The following TCF7L1 variants were observed in gnomAD, a reference collection of about 807,000 sequenced individuals.
The protein encoded by TCF7L1 is transcription factor 7 like 1.
A neutral mutation model predicts 63.7 loss-of-function variants in TCF7L1; 18 were observed. The ratio of observed to expected loss-of-function variants is 0.28; its 90% CI spans 0.20 to 0.42. The LOEUF (loss-of-function observed/expected upper bound fraction) is 0.42, where lower values mean the gene tolerates loss of function less well. Ranked by LOEUF, TCF7L1 falls within the 10% of genes least tolerant of loss-of-function variation. TCF7L1 has a pLI of 1.00. For missense variants in TCF7L1, 654 were observed against 779.3 expected, an observed-to-expected ratio of 0.84 and a Z score of 1.91; for synonymous variants, 355 against 340.9, an observed-to-expected ratio of 1.04 and a Z score of -0.46.
At chr2:85,156,784 C>T (rs1420847526) in intron 3 of TCF7L1, among the ~76,000 whole-genome samples, 1 of 152,204 alleles carries the variant, frequency 6.6e-6, no homozygotes, top group African/African-American at 2.4e-5. Context: ...TGTATACGCG[C>T]ATGCATGCAC....
Position 85,134,305 on chromosome 2 carries a change from CCTTGGTCTTGTTCGCAGTGAGAAGG to C in TCF7L1, c.314-16_322del. ...TCCCGGGGGCCTGGGCCTCACCTCG[CCTTGGTCTTGTTCGCAGTGAGAAGG>C]CCTCAGGACAGCGCGTTCTTTAAAG... On this transcript the variant is annotated splice_acceptor_variant and splice_polypyrimidine_tract_variant and coding_sequence_variant and intron_variant, in exon 3 of 12. Transcript: ENST00000282111. LOFTEE classifies it high-confidence loss of function. This position sits in a 1 kb window ranked among gnomAD's most constrained non-coding sequence, Gnocchi z 5.0. The C allele has an allele frequency of 6.4e-7, 1 of 1,574,156 alleles. No individual in the cohort carries two copies. The highest frequency in any genetic ancestry group is 8.6e-7 in the Non-Finnish European group (1 of 1,159,322).
chr2:85,210,084 A>C (rs1389336257), intron 3 of TCF7L1, among the ~76,000 whole-genome samples: 2 of 152,182 alleles, frequency 1.3e-5, no homozygotes, highest in Non-Finnish European at 2.9e-5. Flanking sequence ...TATAGTCTTC[A>C]CAGGTCAGTG....
chr2:85,243,338 A>T (rs539751246), intron 3 of TCF7L1, among the ~76,000 whole-genome samples: 1 of 152,222 alleles, frequency 6.6e-6, no homozygotes, highest in African/African-American at 2.4e-5. Flanking sequence ...GGTGAGGCTG[A>T]GTGGAAGCTT....
chr2:85,261,909 T>C (rs942432778), intron 3 of TCF7L1, among the ~76,000 whole-genome samples: 16 of 152,144 alleles, frequency 1.1e-4, no homozygotes, highest in African/African-American at 3.1e-4. Flanking sequence ...AACAATCCCA[T>C]AGCATTTATT....
Position 85,306,312 on chromosome 2 carries a change from GC to G in TCF7L1, c.1097del (p.Ala366ValfsTer5). The G allele has an allele frequency of 6.2e-7, 1 of 1,614,216 alleles. No individual in the cohort carries two copies. The highest frequency in any genetic ancestry group is 1.1e-5 in the South Asian group (1 of 91,086). On this transcript the variant is annotated frameshift_variant, in exon 9 of 12. Coordinates refer to ENST00000282111, the MANE Select transcript of TCF7L1 (RefSeq NM_031283.3). LOFTEE classifies it high-confidence loss of function. This position sits in a 1 kb window ranked among gnomAD's most constrained non-coding sequence, Gnocchi z 4.3. The part of the protein sequence containing the change: ...YMKEMRAKVV[A>X]ECTLKESAAI... ...GAAGGAGATGAGGGCCAAGGTGGTG[GC>G]TGAGTGCACCCTGAAGGAAAGTGCA...
intron 3 of TCF7L1, among the ~76,000 whole-genome samples, chr2:85,137,968 CAAA>C (rs1677635028): frequency 6.7e-6 from 1 of 150,258 alleles, no homozygotes; most frequent in African/African-American, 2.5e-5. Context: ...TGGTTTAAGA[CAAA>C]GAAGAGCCAA....
rs1450011148 is a variant in TCF7L1, at chr2:85,184,019, C to T, written c.441+49569C>T. Among the ~76,000 whole-genome samples, 3 of 152,150 alleles carry T rather than the reference C, an allele frequency of 2.0e-5. No homozygotes were observed. The South Asian group carries it at 6.2e-4, about 32-fold the overall frequency. On this transcript the variant is annotated intron_variant, in intron 3 of 11. Transcript: ENST00000282111. ...CGTGGTTGTGGGAAGAGAGGTGATA[C>T]AAGGTGTCATTCCAGGAAGGAAAGC...
rs140907406 is a variant in TCF7L1 at position 85,172,632 on chromosome 2, G to A, written c.441+38182G>A. ...GTAGAGACGGGGTTTCACTATGTTGGTCAGGCTGGTCTCGAACTCCTGACC... is the reference window on the plus strand; with the variant it reads ...GTAGAGACGGGGTTTCACTATGTTGATCAGGCTGGTCTCGAACTCCTGACC... On this transcript the variant is annotated intron_variant, in intron 3 of 11. Coordinates refer to ENST00000282111, the MANE Select transcript of TCF7L1 (RefSeq NM_031283.3). Among the ~76,000 whole-genome samples the A allele has an allele frequency of 6.9e-3, 1,055 of 152,186 alleles. 16 individuals carry two copies. The highest frequency in any genetic ancestry group is 0.024 in the African/African-American group (994 of 41,510).
At chr2:85,153,590 C>T (rs1483353724) in intron 3 of TCF7L1, among the ~76,000 whole-genome samples, 1 of 152,138 alleles carries the variant, frequency 6.6e-6, no homozygotes, top group African/African-American at 2.4e-5. Flanking sequence ...ATCCACCCAC[C>T]TCGGCCTCCC....
intron 3 of TCF7L1, among the ~76,000 whole-genome samples, chr2:85,233,506 G>C (rs1680127736): frequency 6.6e-6 from 1 of 151,778 alleles, no homozygotes; most frequent in African/African-American, 2.4e-5. Context: ...AGTAGAGATA[G>C]GGTTTCACCA....
rs746356827 is a variant in TCF7L1 at position 85,134,522 on chromosome 2, A to T, written c.441+72A>T. 587 of 1,393,456 alleles carry T rather than the reference A, an allele frequency of 4.2e-4. No individual in the cohort carries two copies. The highest frequency in any genetic ancestry group is 1.4e-3 in the Middle Eastern group (5 of 3,588). 86.3% of individuals were successfully genotyped at this position (1,393,456 alleles called of 1,614,324 possible). On this transcript the variant is annotated intron_variant, in intron 3 of 11. Coordinates refer to ENST00000282111, the MANE Select transcript of TCF7L1 (RefSeq NM_031283.3). This position sits in a 1 kb window ranked among gnomAD's most constrained non-coding sequence, Gnocchi z 5.0. Reference sequence around the variant, plus strand: ...GCAGGATGCGCCCCCGGGCTTGGCCATGGAGTGGGGGATGGGGCCTTCTGC... The same window carrying T: ...GCAGGATGCGCCCCCGGGCTTGGCCTTGGAGTGGGGGATGGGGCCTTCTGC...
intron 3 of TCF7L1, among the ~76,000 whole-genome samples, chr2:85,144,717 CTCTGTG>C (rs1558615027): frequency 2.0e-5 from 2 of 98,754 alleles, no homozygotes; most frequent in Middle Eastern, 4.5e-3. Context: ...CTCTCTCTCT[CTCTGTG>C]TGTGTGTGTG....
intron 3 of TCF7L1, among the ~76,000 whole-genome samples, chr2:85,154,120 C>T (rs973290398): frequency 6.6e-6 from 1 of 152,220 alleles, no homozygotes; most frequent in East Asian, 1.9e-4. Context: ...GAATCTGGCT[C>T]GCTGGTTTGT....
chr2:85,151,224 G>A (rs1282306029), intron 3 of TCF7L1, among the ~76,000 whole-genome samples: 1 of 152,196 alleles, frequency 6.6e-6, no homozygotes, highest in Non-Finnish European at 1.5e-5. Flanking sequence ...TTCATAGGAT[G>A]TGAGTAACTT....
intron 5 of TCF7L1, 48 bp from the exon 6 acceptor site, chr2:85,303,847 C>A: frequency 7.0e-7 from 1 of 1,430,826 alleles, no homozygotes; most frequent in Non-Finnish European, 9.7e-7. Flanking sequence ...CGTTAAGGTG[C>A]TCTGGCAGGG....
chr2:85,152,456 A>G (rs1404887162), intron 3 of TCF7L1, among the ~76,000 whole-genome samples: 1 of 122,996 alleles, frequency 8.1e-6, no homozygotes, highest in Non-Finnish European at 1.7e-5. Context: ...TTTTTTTGAG[A>G]CAGAGTCTCA....
At chr2:85,246,186 C>G (rs886252051) in intron 3 of TCF7L1, among the ~76,000 whole-genome samples, 1 of 152,250 alleles carries the variant, frequency 6.6e-6, no homozygotes, top group South Asian at 2.1e-4. Context: ...GACATCTCAA[C>G]ACAGTTGGGT....
intron 7 of TCF7L1, among the ~76,000 whole-genome samples, chr2:85,304,992 C>T (rs958665445): frequency 6.6e-6 from 1 of 152,152 alleles, no homozygotes; most frequent in Admixed American, 6.5e-5. Flanking sequence ...TATGCCCGGG[C>T]CTCTGACCCT....
chr2:85,194,805 T>G (rs1679116625), intron 3 of TCF7L1, among the ~76,000 whole-genome samples: 1 of 152,182 alleles, frequency 6.6e-6, no homozygotes, highest in Non-Finnish European at 1.5e-5. Flanking sequence ...AGTTCTTGGA[T>G]GGTGGCAGCA....
Sources: allele counts gnomAD v4.1 joint callset (sites outside exome capture counted in the v4.1 genomes callset), GRCh38; gene constraint gnomAD v4.1.1; non-coding constraint Gnocchi (gnomAD v3.1); transcripts MANE v1.5; gene names NCBI Gene and HGNC (gene_info 2026-07-23, HGNC 2026-07-21).